The following TSPAN18 variants were observed in gnomAD, a reference collection of about 807,000 sequenced individuals.
TSPAN18 encodes tetraspanin-18.
In TSPAN18, 14 loss-of-function variants were observed where a neutral mutation model predicts 27.3. The observed-to-expected ratio is 0.51, with a 90% confidence interval of 0.34 to 0.80. TSPAN18 has a LOEUF of 0.80. Among genes scored for constraint, TSPAN18 ranks in the 30% least tolerant of loss-of-function variants. The probability of loss-of-function intolerance (pLI) is 0.01; values close to 1 mark genes in which losing one functional copy is unlikely to be tolerated. For synonymous variants in TSPAN18, 143 were observed against 136.5 expected (o/e 1.05, Z -0.33); for missense variants, 268 against 323.9 (o/e 0.83, Z 1.32).
chr11:44,737,209 C>T (rs992259617), intron 1 of TSPAN18, among the ~76,000 whole-genome samples: 2 of 152,152 alleles, frequency 1.3e-5, no homozygotes, highest in African/African-American at 2.4e-5. Context: ...CAAAGGGAGC[C>T]GTAGAATGCC....
At chr11:44,881,509 A>G (rs1858488850) in intron 3 of TSPAN18, among the ~76,000 whole-genome samples, 1 of 152,260 alleles carries the variant, frequency 6.6e-6, no homozygotes, top group Non-Finnish European at 1.5e-5. Context: ...AACATGACCT[A>G]AAAAGGGTCT....
chr11:44,856,633 T>G (rs1201682096), intron 2 of TSPAN18, among the ~76,000 whole-genome samples: 2 of 152,162 alleles, frequency 1.3e-5, no homozygotes, highest in Non-Finnish European at 2.9e-5. Flanking sequence ...AATCTGTGCC[T>G]CTCTCATCCT....
intron 3 of TSPAN18, among the ~76,000 whole-genome samples, chr11:44,862,384 C>G (rs529202321): frequency 6.6e-6 from 1 of 152,360 alleles, no homozygotes; most frequent in South Asian, 2.1e-4. Flanking sequence ...TGGTCAACCA[C>G]AAACCTCCTG....
intron 3 of TSPAN18, among the ~76,000 whole-genome samples, chr11:44,885,305 A>T (rs927497779): frequency 6.6e-6 from 1 of 152,156 alleles, no homozygotes; most frequent in African/African-American, 2.4e-5. Context: ...CCACAGATGG[A>T]GGAACTAAGA....
intron 2 of TSPAN18, among the ~76,000 whole-genome samples, chr11:44,858,398 C>A (rs1454892816): frequency 2.0e-5 from 3 of 152,240 alleles, no homozygotes; most frequent in African/African-American, 7.2e-5. Flanking sequence ...TGAGTTATTA[C>A]AAGCACAGGC....
At chr11:44,746,494 C>A (rs1379714449) in intron 1 of TSPAN18, among the ~76,000 whole-genome samples, 2 of 152,190 alleles carry the variant, frequency 1.3e-5, no homozygotes, top group Non-Finnish European at 2.9e-5. Context: ...GTAGCTCATG[C>A]CTGTAATCCT....
chr11:44,923,568 C>G (rs746410430), intron 8 of TSPAN18, among the ~76,000 whole-genome samples: 1 of 152,132 alleles, frequency 6.6e-6, no homozygotes, highest in African/African-American at 2.4e-5. Context: ...CTCATGCCAG[C>G]CCCCTTTCCC....
intron 3 of TSPAN18, among the ~76,000 whole-genome samples, chr11:44,880,965 G>A (rs901833969): frequency 2.6e-5 from 4 of 152,238 alleles, no homozygotes; most frequent in Non-Finnish European, 4.4e-5. Flanking sequence ...CTGGCTGTCC[G>A]TCCTCCTGTA....
intron 2 of TSPAN18, among the ~76,000 whole-genome samples, chr11:44,771,571 C>T (rs1855690435): frequency 6.6e-6 from 1 of 152,116 alleles, no homozygotes; most frequent in Non-Finnish European, 1.5e-5. Flanking sequence ...AATATACAGT[C>T]AGCTGGATAT....
chr11:44,852,170 G>C (rs1403510187), intron 2 of TSPAN18, among the ~76,000 whole-genome samples: 1 of 152,208 alleles, frequency 6.6e-6, no homozygotes, highest in Non-Finnish European at 1.5e-5. Flanking sequence ...TAGGCACCAA[G>C]TTTCTGTGTT....
chr11:44,864,664 G>A (rs986074157), intron 3 of TSPAN18, among the ~76,000 whole-genome samples: 17 of 152,214 alleles, frequency 1.1e-4, no homozygotes, highest in African/African-American at 4.1e-4. Flanking sequence ...CTTATGGGGT[G>A]GATTGCCAAG....
intron 3 of TSPAN18, among the ~76,000 whole-genome samples, chr11:44,899,826 T>G (rs1272578018): frequency 6.6e-6 from 1 of 152,176 alleles, no homozygotes; most frequent in Non-Finnish European, 1.5e-5. Context: ...CCACCCACAC[T>G]GCTACTCTCC....
At chr11:44,919,047 C>T (rs1484820652) in intron 6 of TSPAN18, among the ~76,000 whole-genome samples, 167 bp from the exon 7 acceptor site, 4 of 151,932 alleles carry the variant, frequency 2.6e-5, no homozygotes, top group Non-Finnish European at 5.9e-5. Flanking sequence ...GATAAGAAGA[C>T]TGCCCCAAGT....
At chr11:44,729,994 G>A (rs1201746459) in intron 1 of TSPAN18, among the ~76,000 whole-genome samples, 1 of 152,130 alleles carries the variant, frequency 6.6e-6, no homozygotes, top group Non-Finnish European at 1.5e-5. Flanking sequence ...TGGCTGAGGA[G>A]ATTCTGAGCT....
intron 2 of TSPAN18, among the ~76,000 whole-genome samples, chr11:44,838,097 C>T (rs1857299567): frequency 6.6e-6 from 1 of 152,148 alleles, no homozygotes; most frequent in Admixed American, 6.5e-5. Context: ...ATCGCTGGAA[C>T]CTGTAAATAC....
chr11:44,782,948 C>T (rs1250283424), intron 2 of TSPAN18, among the ~76,000 whole-genome samples: 1 of 152,116 alleles, frequency 6.6e-6, no homozygotes, highest in African/African-American at 2.4e-5. Context: ...TGTGCCTCAG[C>T]CTCCCAAGTA....
At chr11:44,872,156 C>A (rs1021527844) in intron 3 of TSPAN18, among the ~76,000 whole-genome samples, 1 of 152,052 alleles carries the variant, frequency 6.6e-6, no homozygotes, top group Non-Finnish European at 1.5e-5. Context: ...GTCTCGAACT[C>A]CTGACCTCAG....
At chr11:44,923,365 A>T (rs1860217509) in intron 8 of TSPAN18, among the ~76,000 whole-genome samples, 1 of 152,160 alleles carries the variant, frequency 6.6e-6, no homozygotes. Flanking sequence ...GCAACAGCCC[A>T]CATGGTTAGA....
intron 8 of TSPAN18, among the ~76,000 whole-genome samples, chr11:44,923,756 CA>C (rs1220181156): frequency 1.3e-5 from 2 of 152,112 alleles, no homozygotes; most frequent in Non-Finnish European, 2.9e-5. Flanking sequence ...AGAAAGAGCC[CA>C]CGAGGCCCTA....
Sources: allele counts gnomAD v4.1 joint callset (sites outside exome capture counted in the v4.1 genomes callset), GRCh38; gene constraint gnomAD v4.1.1; transcripts MANE v1.5; gene names NCBI Gene and HGNC (gene_info 2026-07-23, HGNC 2026-07-21).